Variants in DPYD observed in about 807,000 individuals in gnomAD.
The protein encoded by DPYD is dihydropyrimidine dehydrogenase.
In DPYD, 109 loss-of-function variants were observed where a neutral mutation model predicts 116.2. The ratio of observed to expected loss-of-function variants is 0.94; its 90% CI spans 0.80 to 1.10. The LOEUF is 1.10. Ranked by LOEUF, DPYD falls within the 50% of genes least tolerant of loss-of-function variation. DPYD has a pLI of 0.00. For missense variants in DPYD, 1,302 were observed against 1,254.5 expected (o/e 1.04, Z -0.57); for synonymous variants, 440 against 432.0 (o/e 1.02, Z -0.23).
At chr1:97,131,915 T>C (rs1557881791) in intron 20 of DPYD, among the ~76,000 whole-genome samples, 1 of 152,312 alleles carries the variant, frequency 6.6e-6, no homozygotes, top group South Asian at 2.1e-4. Context: ...GTCACTTATT[T>C]TCCTTTACTT....
chr1:97,369,147 G>A (rs1473984504), intron 16 of DPYD, among the ~76,000 whole-genome samples: 4 of 152,118 alleles, frequency 2.6e-5, no homozygotes, highest in Admixed American at 2.6e-4. Context: ...CCTCAAAAAG[G>A]TGTCATTTTG....
At chr1:97,641,712 C>T (rs1481079632) in intron 8 of DPYD, among the ~76,000 whole-genome samples, 1 of 152,060 alleles carries the variant, frequency 6.6e-6, no homozygotes, top group Admixed American at 6.6e-5. Context: ...CCCTCTCTCA[C>T]CACTCCTATT....
chr1:97,801,922 T>C (rs1667866288), intron 3 of DPYD, among the ~76,000 whole-genome samples: 1 of 151,906 alleles, frequency 6.6e-6, no homozygotes. Flanking sequence ...TGACTAGTAG[T>C]GTCTAATTTT....
intron 3 of DPYD, among the ~76,000 whole-genome samples, chr1:97,823,308 C>T (rs1669059067): frequency 6.6e-6 from 1 of 152,138 alleles, no homozygotes; most frequent in African/African-American, 2.4e-5. Flanking sequence ...GCCCCCGCCA[C>T]CATACCCGGC....
chr1:97,487,782 G>C lies in DPYD; in HGVS notation c.1740+27944C>G, dbSNP rs191123273. Among the ~76,000 whole-genome samples the C allele has an allele frequency of 3.3e-5, 5 of 152,234 alleles. No individual in the cohort carries two copies. In the East Asian group the frequency reaches 9.7e-4, roughly 29 times the overall value. On this transcript the variant is annotated intron_variant, in intron 13 of 22. Transcript: ENST00000370192. Reference sequence around the variant, plus strand: ...TGACAAGTGACCATATTAAGTACTGGCAAGAATGTGGAAAAACTAGATCAC... The same window carrying C: ...TGACAAGTGACCATATTAAGTACTGCCAAGAATGTGGAAAAACTAGATCAC...
chr1:97,481,031 T>A (rs1232388040), intron 13 of DPYD, among the ~76,000 whole-genome samples: 1 of 152,002 alleles, frequency 6.6e-6, no homozygotes, highest in Admixed American at 6.6e-5. Flanking sequence ...CAATGTAATA[T>A]GAAAAACTGA....
chr1:97,815,206 T>C lies in DPYD; in HGVS notation c.233+12908A>G, dbSNP rs527345564. ...TACATACTGAAGTGGCTAAGTCAAG[T>C]GTCTCATTGAAGTGTAAAGCTGAAG... On this transcript the variant is annotated intron_variant, in intron 3 of 22. Transcript: ENST00000370192. Among the ~76,000 whole-genome samples the C allele has an allele frequency of 3.3e-5, 5 of 152,288 alleles. No homozygotes were observed. The South Asian group carries it at 1.0e-3, about 32-fold the overall frequency.
intron 20 of DPYD, among the ~76,000 whole-genome samples, chr1:97,192,498 A>C (rs921594853): frequency 6.6e-6 from 1 of 152,202 alleles, no homozygotes; most frequent in African/African-American, 2.4e-5. Flanking sequence ...AAAATGCTGA[A>C]TGTTGTTTTA....
At chr1:97,090,958 C>T (rs1044013967) in intron 21 of DPYD, among the ~76,000 whole-genome samples, 1 of 152,068 alleles carries the variant, frequency 6.6e-6, no homozygotes, top group African/African-American at 2.4e-5. Flanking sequence ...AAACTGCCTA[C>T]CTCTGAAGAA....
chr1:97,183,389 C>A (rs1303339397), intron 20 of DPYD, among the ~76,000 whole-genome samples: 4 of 151,980 alleles, frequency 2.6e-5, no homozygotes, highest in East Asian at 3.9e-4. Context: ...TGCTTTTGCA[C>A]CCCTGTCAAA....
chr1:97,144,326 A>T (rs1429961497), intron 20 of DPYD, among the ~76,000 whole-genome samples: 1 of 152,210 alleles, frequency 6.6e-6, no homozygotes, highest in Non-Finnish European at 1.5e-5. Context: ...CTCAGATGTA[A>T]CATGAAACAA....
intron 13 of DPYD, among the ~76,000 whole-genome samples, chr1:97,501,938 G>T (rs1570849813): frequency 6.6e-6 from 1 of 151,848 alleles, no homozygotes; most frequent in South Asian, 2.1e-4. Context: ...TTCCTCTGAG[G>T]TCATGTATAT....
intron 20 of DPYD, among the ~76,000 whole-genome samples, chr1:97,157,174 AG>A (rs1429768286): frequency 1.1e-4 from 16 of 151,250 alleles, no homozygotes; most frequent in Non-Finnish European, 2.4e-4. Context: ...CTAAATGACG[AG>A]TTAATGGGTG....
At chr1:97,233,609 T>C (rs1251506017) in intron 19 of DPYD, among the ~76,000 whole-genome samples, 2 of 152,156 alleles carry the variant, frequency 1.3e-5, no homozygotes, top group African/African-American at 4.8e-5. Context: ...AGACTGCCCC[T>C]TTCCTGGTTC....
At chr1:97,675,968 C>T (rs915729437) in intron 8 of DPYD, among the ~76,000 whole-genome samples, 4 of 151,926 alleles carry the variant, frequency 2.6e-5, no homozygotes, top group African/African-American at 4.8e-5. Context: ...AGGATGGTCT[C>T]GATCTCTTGA....
chr1:97,125,279 A>C (rs1284144170), intron 20 of DPYD, among the ~76,000 whole-genome samples: 3 of 152,108 alleles, frequency 2.0e-5, no homozygotes, highest in African/African-American at 7.2e-5. Flanking sequence ...ATTTATGTGG[A>C]TGAATCTTGT....
At chr1:97,689,702 T>G (rs1660914516) in intron 7 of DPYD, among the ~76,000 whole-genome samples, 2 of 151,928 alleles carry the variant, frequency 1.3e-5, no homozygotes, top group African/African-American at 4.8e-5. Context: ...AAAAAGAACC[T>G]CCGTGATGAC....
intron 3 of DPYD, among the ~76,000 whole-genome samples, chr1:97,761,143 T>C (rs984965215): frequency 4.6e-5 from 7 of 152,044 alleles, no homozygotes; most frequent in East Asian, 1.9e-4. Flanking sequence ...TTAAAGTCCA[T>C]GTTGAGGCAA....
chr1:97,229,248 TA>T (rs1261777617), intron 19 of DPYD, among the ~76,000 whole-genome samples: 238 of 85,958 alleles, frequency 2.8e-3, no homozygotes, highest in East Asian at 0.015. Flanking sequence ...TGATGGGAAG[TA>T]AAAAAAAAAA....
Sources: allele counts gnomAD v4.1 joint callset (sites outside exome capture counted in the v4.1 genomes callset), GRCh38; gene constraint gnomAD v4.1.1; transcripts MANE v1.5; gene names NCBI Gene and HGNC (gene_info 2026-07-23, HGNC 2026-07-21).